The following IP6K2 variants were observed in gnomAD, a reference collection of about 807,000 sequenced individuals.
IP6K2 encodes the protein inositol hexakisphosphate kinase 2, also known as ATP:1D-myo-inositol-hexakisphosphate phosphotransferase.
A neutral mutation model predicts 43.3 loss-of-function variants in IP6K2; 9 were observed. The observed-to-expected ratio is 0.21, with a 90% CI of 0.13 to 0.36. The LOEUF (loss-of-function observed/expected upper bound fraction) is 0.36, where lower values mean the gene tolerates loss of function less well. IP6K2 is among the 10% of genes least tolerant of loss of function. The pLI, the probability that IP6K2 is intolerant of heterozygous loss-of-function variation, is 1.00. For synonymous variants in IP6K2, 209 were observed against 202.4 expected, an observed-to-expected ratio of 1.03 and a Z score of -0.28; for missense variants, 332 against 538.4, an observed-to-expected ratio of 0.62 and a Z score of 3.79.
intron 1 of IP6K2, among the ~76,000 whole-genome samples, chr3:48,698,152 G>A (rs1189035506): frequency 6.6e-6 from 1 of 152,216 alleles, no homozygotes; most frequent in African/African-American, 2.4e-5. Context: ...ATGGAGCTCT[G>A]AGAAGTCTGG....
chr3:48,705,244 G>A (rs371137651), intron 1 of IP6K2, among the ~76,000 whole-genome samples: 49 of 152,032 alleles, frequency 3.2e-4, no homozygotes, highest in African/African-American at 1.2e-3. Context: ...ACCCAGTAGA[G>A]ACTGGGTTCA....
Position 48,694,059 on chromosome 3 carries a change from C to T in IP6K2, c.203-880G>A, listed in dbSNP as rs370452944. ...AGCATCACTCAATCTGCTCAGTCCT[C>T]GACTGCTGCAGGGGAATGCGTGCTC... On this transcript the variant is annotated intron_variant, in intron 2 of 5. Coordinates refer to ENST00000328631, the MANE Select transcript of IP6K2 (RefSeq NM_016291.4). 134 of 1,456,534 alleles carry T rather than the reference C, an allele frequency of 9.2e-5. No homozygotes were observed. In the East Asian group the frequency reaches 1.5e-3, roughly 17 times the overall value. The allele number at this position is 1,456,534 out of a possible 1,614,324, so 90.2% of individuals were successfully genotyped here. A position where few individuals can be genotyped will look rare whatever the true frequency, so the allele number is the denominator to read the frequency against.
At chr3:48,702,316 A>C (rs1342224713) in intron 1 of IP6K2, among the ~76,000 whole-genome samples, 1 of 152,202 alleles carries the variant, frequency 6.6e-6, no homozygotes, top group Non-Finnish European at 1.5e-5. Flanking sequence ...TATTTCTCAA[A>C]TATGCCTGAT....
chr3:48,712,950 T>G (rs2080729794), intron 1 of IP6K2, among the ~76,000 whole-genome samples: 1 of 151,442 alleles, frequency 6.6e-6, no homozygotes, highest in African/African-American at 2.4e-5. Flanking sequence ...GAGGCAGAGG[T>G]TGCAATGAGC....
chr3:48,706,328 T>G (rs2079778545), intron 1 of IP6K2, among the ~76,000 whole-genome samples: 1 of 152,110 alleles, frequency 6.6e-6, no homozygotes, highest in African/African-American at 2.4e-5. Flanking sequence ...TGCACATCTG[T>G]AGCCCTAGCT....
rs948090016 is a variant in IP6K2, at chr3:48,692,645, G to A, written c.428+309C>T. ...ATCCCCCACCACTGGTGAACAACCT[G>A]AGGTAAAAGGATGGCTCCTCTCTTA... On this transcript the variant is annotated intron_variant, in intron 3 of 5. Transcript: ENST00000328631. 1.4e-4 allele frequency among the ~76,000 whole-genome samples: 22 copies of A among 152,346 alleles called. No individual in the cohort carries two copies. In the South Asian group the frequency reaches 3.7e-3, roughly 26 times the overall value.
chr3:48,694,784 C>A, intron 2 of IP6K2: 1 of 1,533,554 alleles, frequency 6.5e-7, no homozygotes, highest in Non-Finnish European at 8.7e-7. Flanking sequence ...CCCCACCGTC[C>A]CCCCAGTGGG....
In IP6K2 at chr3:48,689,588, A is replaced by G; in HGVS notation, c.730T>C (p.Cys244Arg). ...ATGACTGCAGATGTGCTCTGCTGAC[A>G]TTTTCGGATCTGGTTGGCTGCCTTC... ...EEKAANQIRK[C>R]QQSTSAVIGV... The change falls in exon 5 of 6, where the codon TGT becomes CGT. Residue 244 changes from cysteine to arginine, a missense_variant. By Grantham distance (180) the Cys-to-Arg change is radical. Transcript: ENST00000328631. The G allele has an allele frequency of 6.2e-7, 1 of 1,614,048 alleles. No homozygotes were observed. Among genetic ancestry groups the G allele is most frequent in the Non-Finnish European group, 8.5e-7 (1 of 1,180,008 alleles).
intron 2 of IP6K2, chr3:48,694,777 CACCG>C: frequency 6.5e-7 from 1 of 1,532,660 alleles, no homozygotes; most frequent in South Asian, 1.2e-5. Context: ...AGTCTTCCCC[CACCG>C]TCCCCCCAGT....
intron 1 of IP6K2, among the ~76,000 whole-genome samples, chr3:48,705,944 G>A (rs2079708863): frequency 6.6e-6 from 1 of 150,688 alleles, no homozygotes; most frequent in African/African-American, 2.4e-5. Flanking sequence ...AGTGGCTCAC[G>A]CCTGTAATCC....
chr3:48,693,574 T>C (rs1366426850), intron 2 of IP6K2: 1 of 1,187,318 alleles, frequency 8.4e-7, no homozygotes, highest in Non-Finnish European at 1.1e-6. Flanking sequence ...AACAGCCTCA[T>C]GGCTTGCTTT....
intron 1 of IP6K2, among the ~76,000 whole-genome samples, chr3:48,715,880 G>T (rs193295175): frequency 6.8e-6 from 1 of 146,520 alleles, no homozygotes; most frequent in Non-Finnish European, 1.5e-5. Flanking sequence ...CAAGACCACA[G>T]AAAATAGAAA....
At chr3:48,701,734 T>C (rs1187142326) in intron 1 of IP6K2, among the ~76,000 whole-genome samples, 2 of 150,752 alleles carry the variant, frequency 1.3e-5, no homozygotes, top group African/African-American at 4.9e-5. Flanking sequence ...CCGTCTCTAC[T>C]AATAATACAA....
chr3:48,715,896 T>A (rs185409824), intron 1 of IP6K2, among the ~76,000 whole-genome samples: 11 of 151,204 alleles, frequency 7.3e-5, no homozygotes, highest in African/African-American at 1.2e-4. Flanking sequence ...AGAAAAAAAA[T>A]TTTAAATGAC....
At chr3:48,691,228 T>C (rs754191071) in intron 4 of IP6K2, 79 bp downstream of exon 4, 6 of 1,226,030 alleles carry the variant, frequency 4.9e-6, no homozygotes, top group African/African-American at 1.5e-5. Context: ...ACCTAACTTC[T>C]CTCTCCAAGC....
intron 1 of IP6K2, among the ~76,000 whole-genome samples, chr3:48,696,322 C>T (rs1014450039): frequency 6.6e-6 from 1 of 152,160 alleles, no homozygotes; most frequent in Non-Finnish European, 1.5e-5. Flanking sequence ...GCCCCATTAA[C>T]CTTGTTAGCA....
At chr3:48,697,675 T>C (rs1222901928) in intron 1 of IP6K2, among the ~76,000 whole-genome samples, 1 of 150,936 alleles carries the variant, frequency 6.6e-6, no homozygotes, top group Non-Finnish European at 1.5e-5. Flanking sequence ...ATTAAACGTT[T>C]TACTGTTTTC....
intron 1 of IP6K2, among the ~76,000 whole-genome samples, chr3:48,700,491 G>A (rs147960175): frequency 7.0e-4 from 106 of 152,266 alleles, no homozygotes; most frequent in Middle Eastern, 3.4e-3. Flanking sequence ...TTCAGATTTA[G>A]CATCTATTTT....
intron 1 of IP6K2, chr3:48,711,536 G>A (rs899698300): frequency 6.6e-5 from 10 of 152,184 alleles, no homozygotes; most frequent in African/African-American, 2.4e-4. Flanking sequence ...CCCTTCAGTA[G>A]TGGGTTTGTA....
Sources: gnomAD v4.1 joint callset for allele counts (sites outside exome capture counted in the v4.1 genomes callset) on GRCh38, gnomAD v4.1.1 for gene constraint, MANE v1.5 for transcripts, NCBI Gene and HGNC (gene_info 2026-07-23, HGNC 2026-07-21) for gene names.